The following GRID2 variants were observed in gnomAD, a reference collection of about 807,000 sequenced individuals.
GRID2 encodes glutamate ionotropic receptor delta type subunit 2, also known as glutamate receptor ionotropic, delta-2.
In GRID2, 33 loss-of-function variants were observed where a neutral mutation model predicts 114.8. The ratio of observed to expected loss-of-function variants is 0.29; its 90% CI spans 0.22 to 0.38. The LOEUF (loss-of-function observed/expected upper bound fraction) is 0.38, where lower values mean the gene tolerates loss of function less well. Ranked by LOEUF, GRID2 falls within the 10% of genes least tolerant of loss-of-function variation. GRID2 has a pLI of 1.00. For synonymous variants in GRID2, 505 were observed against 449.9 expected, an observed-to-expected ratio of 1.12 and a Z score of -1.55; for missense variants, 1,184 against 1,257.7, an observed-to-expected ratio of 0.94 and a Z score of 0.89.
chr4:92,552,043 A>G (rs144326744), intron 1 of GRID2, among the ~76,000 whole-genome samples: 1 of 152,110 alleles, frequency 6.6e-6, no homozygotes, highest in Admixed American at 6.6e-5. Flanking sequence ...AGTTTTGATC[A>G]GGTTGATTTT....
intron 2 of GRID2, among the ~76,000 whole-genome samples, chr4:92,952,965 T>G (rs760941190): frequency 6.6e-6 from 1 of 152,148 alleles, no homozygotes; most frequent in Non-Finnish European, 1.5e-5. Flanking sequence ...CTTCCTAGCT[T>G]CTGGTGATGG....
At chr4:93,449,821 A>G (rs1479252906) in intron 10 of GRID2, among the ~76,000 whole-genome samples, 1 of 152,028 alleles carries the variant, frequency 6.6e-6, no homozygotes, top group African/African-American at 2.4e-5. Context: ...CTTGCTCCTC[A>G]ACTTCTGAAT....
chr4:92,916,042 T>C (rs1205562929), intron 2 of GRID2, among the ~76,000 whole-genome samples: 1 of 152,176 alleles, frequency 6.6e-6, no homozygotes, highest in African/African-American at 2.4e-5. Context: ...CTTAATAGTT[T>C]TCTTTGCGAT....
At chr4:93,592,134 T>A (rs554609428) in intron 13 of GRID2, among the ~76,000 whole-genome samples, 1 of 152,198 alleles carries the variant, frequency 6.6e-6, no homozygotes, top group Non-Finnish European at 1.5e-5. Flanking sequence ...TTCTAGTTCT[T>A]TTAATTGTGA....
chr4:92,980,150 A>G (rs1754103564), intron 2 of GRID2, among the ~76,000 whole-genome samples: 1 of 152,066 alleles, frequency 6.6e-6, no homozygotes, highest in Admixed American at 6.6e-5. Context: ...AACTTCAAGA[A>G]CCCAATTTTT....
chr4:92,729,038 G>T (rs894492390), intron 2 of GRID2, among the ~76,000 whole-genome samples: 3 of 151,980 alleles, frequency 2.0e-5, no homozygotes, highest in African/African-American at 7.2e-5. Context: ...GCAACAGGCA[G>T]TGATTGTTGG....
chr4:92,428,146 T>C (rs952025902), intron 1 of GRID2, among the ~76,000 whole-genome samples: 4 of 151,754 alleles, frequency 2.6e-5, no homozygotes, highest in Admixed American at 1.3e-4. Context: ...CCTGTAGTCC[T>C]AGTTACTCAG....
chr4:92,702,698 A>G (rs936903570), intron 2 of GRID2: 1 of 151,774 alleles, frequency 6.6e-6, no homozygotes, highest in South Asian at 2.1e-4. Flanking sequence ...TTATATATTA[A>G]TATTATTGTA....
At chr4:93,473,604 G>A (rs1725045714) in intron 11 of GRID2, among the ~76,000 whole-genome samples, 1 of 152,020 alleles carries the variant, frequency 6.6e-6, no homozygotes, top group African/African-American at 2.4e-5. Context: ...ATTTGTTGCT[G>A]ATAATGTAAA....
chr4:93,542,921 C>G (rs1403498126), intron 13 of GRID2, among the ~76,000 whole-genome samples: 1 of 152,086 alleles, frequency 6.6e-6, no homozygotes, highest in Non-Finnish European at 1.5e-5. Context: ...TTGCGTAGAT[C>G]CTGGTCATAT....
At chr4:93,289,898 T>A (rs1013396888) in intron 8 of GRID2, among the ~76,000 whole-genome samples, 1 of 152,060 alleles carries the variant, frequency 6.6e-6, no homozygotes, top group Non-Finnish European at 1.5e-5. Flanking sequence ...GGGAAAAAAA[T>A]TGGAGTAAAG....
intron 8 of GRID2, among the ~76,000 whole-genome samples, chr4:93,377,756 G>A (rs1234570214): frequency 6.6e-6 from 1 of 151,872 alleles, no homozygotes; most frequent in Non-Finnish European, 1.5e-5. Context: ...TTTTCCCTCT[G>A]GATTAGAGAA....
chr4:93,614,557 A>G (rs1042764844), intron 13 of GRID2, among the ~76,000 whole-genome samples: 2 of 152,058 alleles, frequency 1.3e-5, no homozygotes, highest in Non-Finnish European at 2.9e-5. Flanking sequence ...TTAAAATTAT[A>G]TATTATTCTG....
chr4:92,632,978 G>A (rs541608541), intron 2 of GRID2, among the ~76,000 whole-genome samples: 2 of 152,202 alleles, frequency 1.3e-5, no homozygotes, highest in South Asian at 4.1e-4. Context: ...AAAATTAACA[G>A]TAACTTAGAA....
intron 1 of GRID2, among the ~76,000 whole-genome samples, chr4:92,452,319 ATTT>A (rs374760682): frequency 7.1e-6 from 1 of 140,578 alleles, no homozygotes; most frequent in Non-Finnish European, 1.6e-5. Flanking sequence ...ATCTGTTTAG[ATTT>A]TTTTTTTTTT....
chr4:92,729,629 CA>C (rs1389377527), intron 2 of GRID2, among the ~76,000 whole-genome samples: 1 of 151,910 alleles, frequency 6.6e-6, no homozygotes, highest in African/African-American at 2.4e-5. Context: ...CAATTTTTTG[CA>C]TTTTTAAAAC....
At chr4:93,393,660 G>C (rs1765062920) in intron 8 of GRID2, among the ~76,000 whole-genome samples, 3 of 151,896 alleles carry the variant, frequency 2.0e-5, no homozygotes, top group Admixed American at 1.3e-4. Context: ...ATCATTCTGA[G>C]GAAACTGGAA....
intron 1 of GRID2, among the ~76,000 whole-genome samples, chr4:92,440,862 G>A (rs1036936679): frequency 1.3e-5 from 2 of 152,148 alleles, no homozygotes. Flanking sequence ...TCTGGGCCAG[G>A]AACAACGGTA....
At chr4:93,317,827 G>A (rs899763921) in intron 8 of GRID2, among the ~76,000 whole-genome samples, 6 of 151,278 alleles carry the variant, frequency 4.0e-5, no homozygotes, top group African/African-American at 4.9e-5. Flanking sequence ...TCTTTAAGTA[G>A]TGAAGAGAGG....
Sources: gnomAD v4.1 joint callset for allele counts (sites outside exome capture counted in the v4.1 genomes callset) on GRCh38, gnomAD v4.1.1 for gene constraint, MANE v1.5 for transcripts, NCBI Gene and HGNC (gene_info 2026-07-23, HGNC 2026-07-21) for gene names.